Variants in ZNF385D observed in about 807,000 individuals in gnomAD.
ZNF385D encodes the protein zinc finger protein 385D.
ZNF385D carries 15 observed loss-of-function variants against 35.8 expected under a neutral mutation model. That is an observed-to-expected ratio of 0.42 (90% confidence interval 0.28 to 0.64). ZNF385D has a LOEUF of 0.64. Ranked by LOEUF, ZNF385D falls within the 30% of genes least tolerant of loss-of-function variation. The pLI is 0.23. For missense variants in ZNF385D, 474 were observed against 494.6 expected (o/e 0.96, Z 0.39); for synonymous variants, 212 against 186.8 (o/e 1.13, Z -1.10).
At chr3:21,773,977 C>T (rs1056505040) in intron 3 of ZNF385D, among the ~76,000 whole-genome samples, 1 of 151,964 alleles carries the variant, frequency 6.6e-6, no homozygotes, top group Non-Finnish European at 1.5e-5. Flanking sequence ...CACATATGTT[C>T]ATTGCAGCAC....
chr3:21,692,742 C>T (rs7644742), intron 1 of ZNF385D, among the ~76,000 whole-genome samples: 61,238 of 152,050 alleles, frequency 0.4, 13,925 homozygotes, highest in Non-Finnish European at 0.52. Flanking sequence ...TCTTTTGCCA[C>T]CCCTTCTTCT....
At chr3:21,467,704 G>C (rs371316990) in intron 4 of ZNF385D, among the ~76,000 whole-genome samples, 1 of 152,026 alleles carries the variant, frequency 6.6e-6, no homozygotes, top group African/African-American at 2.4e-5. Context: ...GACCATGTGC[G>C]GTTCATTTGG....
rs71044967 is a variant in ZNF385D at position 22,030,256 on chromosome 3, CATATATATATATATATAT to C, written c.325+138543_325+138560del. ...CAAGTTAATACTTAATAAACTCATT[CATATATATATATATATAT>C]ATATATATATATATATATATATATA... On this transcript the variant is annotated intron_variant, in intron 3 of 5. Coordinates refer to the ZNF385D transcript ENST00000494108. Among the ~76,000 whole-genome samples the C allele has an allele frequency of 4.5e-3, 98 of 21,740 alleles. 7 individuals carry two copies. Among genetic ancestry groups the C allele is most frequent in the African/African-American group, 8.3e-3 (53 of 6,396 alleles). The allele number at this position is 21,740 out of a possible 152,430, so 14.3% of individuals were successfully genotyped here. A position where few individuals can be genotyped will look rare whatever the true frequency, so the allele number is the denominator to read the frequency against.
chr3:21,737,140 A>T (rs555676785), intron 1 of ZNF385D, among the ~76,000 whole-genome samples: 10 of 152,184 alleles, frequency 6.6e-5, no homozygotes, highest in African/African-American at 2.4e-4. Context: ...GAGTTTCACC[A>T]TGTTGGCCAG....
intron 2 of ZNF385D, among the ~76,000 whole-genome samples, chr3:22,276,886 G>C (rs1252464517): frequency 6.6e-6 from 1 of 152,002 alleles, no homozygotes; most frequent in East Asian, 1.9e-4. Context: ...TTTTATATCT[G>C]AAAATAGATA....
chr3:21,932,194 A>AAAAAAAAAT (rs1701047571), intron 3 of ZNF385D, among the ~76,000 whole-genome samples: 21 of 140,806 alleles, frequency 1.5e-4, no homozygotes, highest in Non-Finnish European at 2.5e-4. Context: ...AAAAAAAAAA[A>AAAAAAAAAT]GTGTGACTTG....
intron 1 of ZNF385D, among the ~76,000 whole-genome samples, chr3:21,741,730 C>A (rs967842721): frequency 7.2e-5 from 11 of 152,036 alleles, no homozygotes; most frequent in African/African-American, 2.7e-4. Flanking sequence ...TACCGAATTC[C>A]TCTTCAATTC....
At chr3:21,706,891 A>G (rs1190764909) in intron 1 of ZNF385D, among the ~76,000 whole-genome samples, 1 of 152,144 alleles carries the variant, frequency 6.6e-6, no homozygotes, top group Non-Finnish European at 1.5e-5. Flanking sequence ...CACAGAGACA[A>G]ATCAGGTTTA....
intron 3 of ZNF385D, among the ~76,000 whole-genome samples, chr3:21,990,191 C>G (rs886600868): frequency 9.9e-5 from 15 of 152,282 alleles, no homozygotes; most frequent in Admixed American, 2.6e-4. Context: ...AGAAGAATCT[C>G]TAAGCTAAAA....
rs566909444 is a variant in ZNF385D, at chr3:21,659,085, T to G, written c.165+5801A>C. Among the ~76,000 whole-genome samples, 28 of 152,168 alleles carry G rather than the reference T, an allele frequency of 1.8e-4. No homozygotes were observed. In the South Asian group the frequency reaches 2.9e-3, roughly 16 times the overall value. ...TTCTCCTCCTCCTCACTATCCTGCT[T>G]CTTCTCTTCTTCTTTCTCAGTGTTA... On this transcript the variant is annotated intron_variant, in intron 2 of 7. Transcript: ENST00000281523.
At chr3:21,833,308 A>G (rs1695118662) in intron 3 of ZNF385D, among the ~76,000 whole-genome samples, 1 of 152,214 alleles carries the variant, frequency 6.6e-6, no homozygotes, top group Non-Finnish European at 1.5e-5. Flanking sequence ...AAAAGTATTA[A>G]TATTACCTTG....
At chr3:22,091,631 T>C (rs1030981431) in intron 3 of ZNF385D, among the ~76,000 whole-genome samples, 2 of 151,970 alleles carry the variant, frequency 1.3e-5, no homozygotes, top group East Asian at 3.9e-4. Context: ...AACCCTGACA[T>C]AAATGGAAAC....
intron 3 of ZNF385D, among the ~76,000 whole-genome samples, chr3:21,905,794 G>A (rs1451179983): frequency 6.6e-6 from 1 of 151,766 alleles, no homozygotes; most frequent in Non-Finnish European, 1.5e-5. Flanking sequence ...GTCTGATAGA[G>A]GCAGAAATAA....
chr3:22,150,587 A>G (rs573575362), intron 3 of ZNF385D, among the ~76,000 whole-genome samples: 196 of 152,246 alleles, frequency 1.3e-3, no homozygotes, highest in Middle Eastern at 0.01. Flanking sequence ...AAGAAGATAA[A>G]TATTTCTAAT....
At chr3:21,975,205 A>C (rs1703519617) in intron 3 of ZNF385D, among the ~76,000 whole-genome samples, 2 of 152,200 alleles carry the variant, frequency 1.3e-5, no homozygotes, top group Non-Finnish European at 2.9e-5. Context: ...AAATGTACAT[A>C]TACACAATGG....
intron 3 of ZNF385D, among the ~76,000 whole-genome samples, chr3:22,107,105 A>G (rs1466542404): frequency 6.9e-6 from 1 of 145,090 alleles, no homozygotes; most frequent in Non-Finnish European, 1.5e-5. Flanking sequence ...GTTCACCACA[A>G]CCTCCACCTC....
chr3:22,271,465 GA>G (rs143804958), intron 2 of ZNF385D, among the ~76,000 whole-genome samples: 23 of 150,674 alleles, frequency 1.5e-4, no homozygotes, highest in African/African-American at 4.1e-4. Flanking sequence ...TAACTGCATA[GA>G]AAAAAAAATA....
At chr3:21,914,015 C>A (rs921815940) in intron 3 of ZNF385D, among the ~76,000 whole-genome samples, 4 of 152,044 alleles carry the variant, frequency 2.6e-5, no homozygotes, top group Admixed American at 2.6e-4. Context: ...TAGGCTCATG[C>A]TTGTGAGGCA....
At chr3:21,502,682 G>T (rs1479794758) in intron 4 of ZNF385D, among the ~76,000 whole-genome samples, 1 of 152,048 alleles carries the variant, frequency 6.6e-6, no homozygotes, top group Non-Finnish European at 1.5e-5. Context: ...TTCAAATAAG[G>T]TTTAGCTTTT....
Sources: gnomAD v4.1 joint callset for allele counts (sites outside exome capture counted in the v4.1 genomes callset) on GRCh38, gnomAD v4.1.1 for gene constraint, MANE v1.5 for transcripts, NCBI Gene and HGNC (gene_info 2026-07-23, HGNC 2026-07-21) for gene names.